Variants in SPTBN1 observed in about 807,000 individuals in gnomAD.
SPTBN1 encodes spectrin beta chain, non-erythrocytic 1.
Under a neutral mutation model 266.4 loss-of-function variants are expected in SPTBN1, and 32 were observed. The observed-to-expected ratio is 0.12, with a 90% confidence interval of 0.09 to 0.16. The LOEUF (loss-of-function observed/expected upper bound fraction) is 0.16. SPTBN1 is among the 10% of genes least tolerant of loss of function. SPTBN1 has a pLI of 1.00. For missense variants in SPTBN1, 2,296 were observed against 3,067.1 expected (o/e 0.75, Z 5.94); for synonymous variants, 1,336 against 1,162.2 (o/e 1.15, Z -3.04).
At chr2:54,461,145 T>C (rs1693347278) in intron 1 of SPTBN1, among the ~76,000 whole-genome samples, 1 of 152,216 alleles carries the variant, frequency 6.6e-6, no homozygotes, top group South Asian at 2.1e-4. Context: ...TTCCCTTCTC[T>C]ATGGTTTATC....
chr2:54,568,415 A>G (rs1673821936), intron 2 of SPTBN1, among the ~76,000 whole-genome samples: 1 of 151,794 alleles, frequency 6.6e-6, no homozygotes, highest in Non-Finnish European at 1.5e-5. Flanking sequence ...TCTGCCTTCT[A>G]ACTCCTATGA....
At position 54,670,931 on chromosome 2, in the gene SPTBN1, G is replaced by T. The variant is rs187261049; in HGVS notation, c.*2362G>T. On this transcript the variant is annotated 3_prime_UTR_variant, in exon 36 of 36. Transcript: ENST00000356805. ...CACAGCCTGATGAGCTTCAAGCCTG[G>T]CAGGGTAAATAGTTTTTGGGTTTTT... The T allele has an allele frequency of 1.6e-4, 62 of 397,828 alleles. No homozygotes were observed. Among genetic ancestry groups the T allele is most frequent in the South Asian group, 9.6e-4 (7 of 7,280 alleles). 24.6% of individuals were successfully genotyped at this position (397,828 alleles called of 1,614,324 possible). A position where few individuals can be genotyped will look rare whatever the true frequency, so the allele number is the denominator to read the frequency against.
At chr2:54,539,632 C>T (rs772383392) in intron 2 of SPTBN1, among the ~76,000 whole-genome samples, 1 of 152,150 alleles carries the variant, frequency 6.6e-6, no homozygotes, top group Non-Finnish European at 1.5e-5. Context: ...CTCCACCTTC[C>T]GTACTCAAGT....
intron 2 of SPTBN1, among the ~76,000 whole-genome samples, chr2:54,573,172 A>G (rs1674210436): frequency 6.6e-6 from 1 of 152,194 alleles, no homozygotes; most frequent in South Asian, 2.1e-4. Flanking sequence ...GTTCTGCTCC[A>G]TGTTTCTGGA....
At position 54,649,224 on chromosome 2, in the gene SPTBN1, G is replaced by T. The variant is rs201883873; in HGVS notation, c.5202+34G>T. 6 of 1,567,450 alleles carry T rather than the reference G, an allele frequency of 3.8e-6. No individual in the cohort carries two copies. Among genetic ancestry groups the T allele is most frequent in the East Asian group, 2.3e-5 (1 of 44,070 alleles). On this transcript the variant is annotated intron_variant, in intron 25 of 35. Transcript: ENST00000356805. The surrounding 1 kb of genome is among the most constrained non-coding windows in gnomAD (Gnocchi z 6.7). ...TTGAGGCAGTGCATGAGTTGGTTGTGCAGTAAGCGATGGTGTGGAAGGCCA... is the reference window on the plus strand; with the variant it reads ...TTGAGGCAGTGCATGAGTTGGTTGTTCAGTAAGCGATGGTGTGGAAGGCCA...
intron 1 of SPTBN1, among the ~76,000 whole-genome samples, chr2:54,493,424 G>A (rs919604044): frequency 3.4e-5 from 5 of 147,162 alleles, no homozygotes; most frequent in African/African-American, 1.2e-4. Context: ...GGGGGTTGGG[G>A]GAGACAGTCT....
chr2:54,601,986 A>T (rs547841840), intron 3 of SPTBN1, among the ~76,000 whole-genome samples: 1 of 152,324 alleles, frequency 6.6e-6, no homozygotes, highest in South Asian at 2.1e-4. Flanking sequence ...CACAAGGCAG[A>T]GATCTCTGGT....
At chr2:54,657,698 TAC>T in intron 29 of SPTBN1, 150 bp from the exon 30 acceptor site, 1 of 856,932 alleles carries the variant, frequency 1.2e-6, no homozygotes, top group Non-Finnish European at 1.8e-6. Context: ...TGGCTCACAT[TAC>T]ATTTACATTG....
intron 10 of SPTBN1, among the ~76,000 whole-genome samples, chr2:54,624,407 A>G (rs571212749): frequency 1.3e-5 from 2 of 152,374 alleles, no homozygotes; most frequent in East Asian, 3.9e-4. Flanking sequence ...ATTTTTTAAA[A>G]GTGGCCCAGG....
intron 1 of SPTBN1, among the ~76,000 whole-genome samples, chr2:54,466,098 G>C (rs1375963017): frequency 6.6e-6 from 1 of 152,176 alleles, no homozygotes; most frequent in African/African-American, 2.4e-5. Flanking sequence ...AACTGTGACA[G>C]TAAACATCTG....
Position 54,669,485 on chromosome 2 carries a change from G to A in SPTBN1, c.*916G>A, listed in dbSNP as rs947771224. 6.6e-6 allele frequency: 1 copy of A among 152,604 alleles called. No homozygotes were observed. The highest frequency in any genetic ancestry group is 2.1e-4 in the South Asian group (1 of 4,830). The allele number at this position is 152,604 out of a possible 1,614,324, so 9.5% of individuals were successfully genotyped here. The stretch of plus-strand genomic sequence containing the variant: ...ACATAGTGTGCATTTCTCTGTCACT[G>A]TAACTATTGTAATGACAAATTTTCA... On this transcript the variant is annotated 3_prime_UTR_variant, in exon 36 of 36. Coordinates refer to ENST00000356805, the MANE Select transcript of SPTBN1 (RefSeq NM_003128.3).
chr2:54,566,169 A>G (rs917020412), intron 2 of SPTBN1, among the ~76,000 whole-genome samples: 3 of 148,982 alleles, frequency 2.0e-5, no homozygotes, highest in African/African-American at 7.5e-5. Context: ...GGGCATTGTA[A>G]GCATTTTTCT....
intron 18 of SPTBN1, among the ~76,000 whole-genome samples, chr2:54,638,564 T>A (rs1572728902): frequency 6.6e-6 from 1 of 152,336 alleles, no homozygotes; most frequent in East Asian, 1.9e-4. Context: ...TGCACAAACT[T>A]TGAAAACTAA....
chr2:54,666,893 G>A (rs1572789312), intron 34 of SPTBN1, among the ~76,000 whole-genome samples: 1 of 152,214 alleles, frequency 6.6e-6, no homozygotes, highest in South Asian at 2.1e-4. Context: ...GTGCAGGCAG[G>A]CTCTTTGGGT....
At chr2:54,507,641 C>T (rs1166305205) in intron 1 of SPTBN1, among the ~76,000 whole-genome samples, 1 of 151,616 alleles carries the variant, frequency 6.6e-6, no homozygotes, top group Non-Finnish European at 1.5e-5. Flanking sequence ...TTGGGAGGAC[C>T]CAGGACATCT....
intron 2 of SPTBN1, among the ~76,000 whole-genome samples, chr2:54,536,237 T>C (rs1452887064): frequency 1.3e-5 from 2 of 152,236 alleles, no homozygotes; most frequent in African/African-American, 2.4e-5. Context: ...ATAAATTTAA[T>C]TTATATATAA....
intron 2 of SPTBN1, among the ~76,000 whole-genome samples, chr2:54,544,420 A>G (rs1459830942): frequency 6.6e-6 from 1 of 152,226 alleles, no homozygotes; most frequent in Admixed American, 6.5e-5. Flanking sequence ...TACCTCAGGT[A>G]TCTCATTTGT....
Position 54,649,285 on chromosome 2 carries a change from T to C in SPTBN1, c.5202+95T>C, listed in dbSNP as rs76022060. On this transcript the variant is annotated intron_variant, in intron 25 of 35. Transcript: ENST00000356805. This position sits in a 1 kb window ranked among gnomAD's most constrained non-coding sequence, Gnocchi z 6.7. ...TTGTCTGTGAGCAGATAAAATGCCC[T>C]GGACTCCAATCAGAGGTCTTGGGGT... 2,989 of 1,333,742 alleles carry C rather than the reference T, an allele frequency of 2.2e-3. 115 individuals carry two copies. The East Asian group carries it at 0.063, about 28-fold the overall frequency. 82.6% of individuals were successfully genotyped at this position (1,333,742 alleles called of 1,614,324 possible).
intron 2 of SPTBN1, chr2:54,528,382 C>T (rs764002227): frequency 1.3e-5 from 2 of 152,610 alleles, no homozygotes; most frequent in African/African-American, 4.8e-5. Context: ...GGAGAGCCTC[C>T]AGCTGTCCTT....
Sources: allele counts gnomAD v4.1 joint callset (sites outside exome capture counted in the v4.1 genomes callset), GRCh38; gene constraint gnomAD v4.1.1; non-coding constraint Gnocchi (gnomAD v3.1); transcripts MANE v1.5; gene names NCBI Gene and HGNC (gene_info 2026-07-23, HGNC 2026-07-21).